PFKP: variants seen among roughly 807,000 people sequenced by gnomAD.
PFKP encodes the protein phosphofructokinase, platelet, also known as ATP-dependent 6-phosphofructokinase, platelet type.
In PFKP, 101 loss-of-function variants were observed where a neutral mutation model predicts 94.3. The ratio of observed to expected loss-of-function variants is 1.07; its 90% CI spans 0.91 to 1.26. The LOEUF (loss-of-function observed/expected upper bound fraction) is 1.26, where lower values mean the gene tolerates loss of function less well. Ranked by LOEUF, PFKP falls within the 50% of genes most tolerant of loss-of-function variation. PFKP has a pLI of 0.00. For missense variants in PFKP, 1,145 were observed against 1,103.3 expected, an observed-to-expected ratio of 1.04 and a Z score of -0.53; for synonymous variants, 573 against 432.6, an observed-to-expected ratio of 1.32 and a Z score of -4.03.
rs1838376571 is a variant in PFKP, at chr10:3,129,894, T to C, written c.1759T>C (p.Cys587Arg). 2.5e-6 allele frequency: 4 copies of C among 1,613,414 alleles called. No homozygotes were observed. Among genetic ancestry groups the C allele is most frequent in the East Asian group, 2.2e-5 (1 of 44,870 alleles). Residue 587 changes from cysteine (C) to arginine (R), a missense_variant, in exon 17 of 22, where the codon TGT (cysteine) becomes CGT (arginine). Physicochemically the swap from Cys to Arg is radical, Grantham distance 180. Around this residue, in one of 3 missense-constraint regions of PFKP, gnomAD observed 1,119 missense variants for 1,062.8 expected, o/e 1.05. Coordinates refer to ENST00000381125, the MANE Select transcript of PFKP (RefSeq NM_002627.5). ...CATCATCGAGACCATGGGCGGCTAC[T>C]GTGGCTACCTGGCCAACATGGGGGG... ...VFIIETMGGY[C>R]GYLANMGGLA... is the part of the protein sequence containing the mutation.
intron 16 of PFKP, among the ~76,000 whole-genome samples, chr10:3,124,532 C>T (rs1268487455): frequency 6.6e-6 from 1 of 152,238 alleles, no homozygotes; most frequent in South Asian, 2.1e-4. Flanking sequence ...CGGCAGCTTC[C>T]GCCCGGAGAG....
intron 13 of PFKP, among the ~76,000 whole-genome samples, chr10:3,115,815 G>T (rs1291415993): frequency 6.6e-6 from 1 of 152,150 alleles, no homozygotes; most frequent in Non-Finnish European, 1.5e-5. Flanking sequence ...AGGGTGGGAA[G>T]AGGAAACCCC....
chr10:3,087,878 TTGTA>T (rs1833723066), intron 2 of PFKP, among the ~76,000 whole-genome samples: 1 of 152,134 alleles, frequency 6.6e-6, no homozygotes, highest in Non-Finnish European at 1.5e-5. Context: ...CGCCAGGACT[TTGTA>T]TGAGTGGTGG....
At chr10:3,130,732 T>A (rs1838478562) in intron 17 of PFKP, among the ~76,000 whole-genome samples, 1 of 152,096 alleles carries the variant, frequency 6.6e-6, no homozygotes, top group Admixed American at 6.5e-5. Flanking sequence ...GCTAATTTTG[T>A]ATTTTTAGTA....
intron 20 of PFKP, among the ~76,000 whole-genome samples, chr10:3,135,269 C>T (rs974232499): frequency 6.6e-6 from 1 of 152,054 alleles, no homozygotes; most frequent in Non-Finnish European, 1.5e-5. Context: ...TGCCAGTGTC[C>T]AACTTAGAAA....
Position 3,132,405 on chromosome 10 carries a change from A to C in PFKP, c.1874A>C (p.Lys625Thr), listed in dbSNP as rs1838697464. The C allele has an allele frequency of 3.1e-6, 5 of 1,612,984 alleles. No individual in the cohort carries two copies. The highest frequency in any genetic ancestry group is 1.7e-5 in the Admixed American group (1 of 59,994). Residue 625 changes from lysine (K) to threonine (T), a missense_variant, in exon 18 of 22, where the codon AAA (lysine) becomes ACA (threonine). By Grantham distance (78) the Lys-to-Thr change is moderately conservative (BLOSUM62 -1). Transcript: ENST00000381125. ...LQSNVEHLTE[K>T]MKTTIQRGLV... is the part of the protein sequence containing the mutation. Reference sequence around the variant, plus strand: ...TCCAACGTGGAGCACCTGACGGAGAAAATGAAGACCACCATCCAGAGAGGC... The same window carrying C: ...TCCAACGTGGAGCACCTGACGGAGACAATGAAGACCACCATCCAGAGAGGC...
intron 15 of PFKP, among the ~76,000 whole-genome samples, chr10:3,119,113 T>A (rs1837130719): frequency 7.2e-6 from 1 of 138,384 alleles, no homozygotes; most frequent in African/African-American, 2.8e-5. Context: ...CCGGGCCTCA[T>A]CTATTCAGTG....
intron 16 of PFKP, among the ~76,000 whole-genome samples, chr10:3,124,332 C>T (rs73575037): frequency 0.021 from 3,236 of 152,286 alleles, 103 homozygotes; most frequent in African/African-American, 0.071. Context: ...GAACAGTGGG[C>T]GTGTGGACCT....
intron 16 of PFKP, among the ~76,000 whole-genome samples, chr10:3,122,683 G>C (rs528303281): frequency 1.3e-5 from 2 of 152,228 alleles, no homozygotes; most frequent in Non-Finnish European, 2.9e-5. Flanking sequence ...CACCCTCTGT[G>C]ACTGGTGACT....
At chr10:3,105,634 A>C in intron 7 of PFKP, 133 bp downstream of exon 7, 1 of 662,974 alleles carries the variant, frequency 1.5e-6, no homozygotes, top group Non-Finnish European at 2.7e-6. Flanking sequence ...TTTGTATTTC[A>C]CTCTATGGAC....
Position 3,120,033 on chromosome 10 carries a change from A to T in PFKP, c.1672A>T (p.Thr558Ser), listed in dbSNP as rs774277555. The T allele has an allele frequency of 2.5e-6, 4 of 1,613,850 alleles. No homozygotes were observed. In the African/African-American group the frequency reaches 5.3e-5, roughly 22 times the overall value. ...CATCGGGGCAGACACCGCCCTGAACACTATCACCGACGTAAGTCCGTGTGC... is the reference window on the plus strand; with the variant it reads ...CATCGGGGCAGACACCGCCCTGAACTCTATCACCGACGTAAGTCCGTGTGC... ...FSIGADTALNTITDTCDRIKQ... is the reference protein window; with the variant it reads ...FSIGADTALNSITDTCDRIKQ... Residue 558 changes from threonine to serine, a missense_variant, in exon 16 of 22, where the codon ACT becomes TCT. By Grantham distance (58) the Thr-to-Ser change is moderately conservative. Transcript: ENST00000381125.
chr10:3,122,775 G>C (rs1389246478), intron 16 of PFKP, among the ~76,000 whole-genome samples: 2 of 152,194 alleles, frequency 1.3e-5, no homozygotes, highest in African/African-American at 4.8e-5. Flanking sequence ...CAGAAAATTT[G>C]GTGATTCTCA....
chr10:3,112,382 T>A (rs1205688675), intron 11 of PFKP, 96 bp downstream of exon 11: 11 of 922,238 alleles, frequency 1.2e-5, no homozygotes, highest in Non-Finnish European at 1.8e-5. Flanking sequence ...TTATTCCATG[T>A]CACTGTGAAA....
chr10:3,105,968 G>A (rs1364962413), intron 7 of PFKP, among the ~76,000 whole-genome samples: 3 of 152,216 alleles, frequency 2.0e-5, no homozygotes, highest in Non-Finnish European at 4.4e-5. Context: ...AAGGACGACG[G>A]GGACAGCAGC....
Position 3,135,774 on chromosome 10 carries a change from G to T in PFKP, c.2161G>T (p.Gly721Ter). Residue 721 changes from glycine (G) to a stop codon, truncating the protein, a stop_gained, in exon 21 of 22, where the codon GGA becomes TGA. Transcript: ENST00000381125. LOFTEE classifies it high-confidence loss of function. ...FTTDDSICVLGISKRNVIFQP... is the reference protein window; with the variant it reads ...FTTDDSICVL ...CACCGATGATTCCATTTGTGTGCTG[G>T]GAATAAGCAAAAGAAACGTTATTTT... The T allele has an allele frequency of 6.2e-7, 1 of 1,613,440 alleles. No individual in the cohort carries two copies. Among genetic ancestry groups the T allele is most frequent in the Middle Eastern group, 1.7e-4 (1 of 6,060 alleles).
At chr10:3,092,894 A>G (rs1375567235) in intron 2 of PFKP, among the ~76,000 whole-genome samples, 1 of 151,710 alleles carries the variant, frequency 6.6e-6, no homozygotes, top group African/African-American at 2.4e-5. Context: ...ACCTCTCCTA[A>G]TCTGGAGGAT....
intron 15 of PFKP, 110 bp from the exon 16 acceptor site, chr10:3,119,782 A>G: frequency 1.2e-6 from 1 of 846,442 alleles, no homozygotes; most frequent in Non-Finnish European, 1.9e-6. Flanking sequence ...GTGATGCCCC[A>G]GTGTGCTCCC....
At chr10:3,084,751 G>GGAGAGTCCTCCAC (rs1833367305) in intron 2 of PFKP, among the ~76,000 whole-genome samples, 2 of 34,424 alleles carry the variant, frequency 5.8e-5, no homozygotes, top group Non-Finnish European at 1.3e-4. Context: ...GAGTCCTCCA[G>GGAGAGTCCTCCAC]CCCCTCCCCA....
At chr10:3,113,737 T>A (rs936915535) in intron 13 of PFKP, among the ~76,000 whole-genome samples, 5 of 152,096 alleles carry the variant, frequency 3.3e-5, no homozygotes, top group Admixed American at 6.6e-5. Context: ...GCTTTTGAAT[T>A]TTCTGAAAAG....
Sources: gnomAD v4.1 joint callset for allele counts (sites outside exome capture counted in the v4.1 genomes callset) on GRCh38, gnomAD v4.1.1 for gene constraint, gnomAD v4.1.1 regional missense constraint, MANE v1.5 for transcripts, NCBI Gene and HGNC (gene_info 2026-07-23, HGNC 2026-07-21) for gene names.